The following TRDN variants were observed in gnomAD, a reference collection of about 807,000 sequenced individuals.
TRDN encodes the protein triadin in skeletal muscle.
TRDN carries 161 observed loss-of-function variants against 149.7 expected under a neutral mutation model. The ratio of observed to expected loss-of-function variants is 1.08; its 90% CI spans 0.95 to 1.23. The LOEUF (loss-of-function observed/expected upper bound fraction) is 1.23, where lower values mean the gene tolerates loss of function less well. TRDN is among the 50% of genes most tolerant of loss of function. The pLI, the probability that TRDN is intolerant of heterozygous loss-of-function variation, is 0.00. For missense variants in TRDN, 896 were observed against 823.5 expected, an observed-to-expected ratio of 1.09 and a Z score of -1.08; for synonymous variants, 294 against 250.5, an observed-to-expected ratio of 1.17 and a Z score of -1.64.
At chr6:123,455,337 A>G (rs1043165882) in intron 10 of TRDN, among the ~76,000 whole-genome samples, 1 of 151,858 alleles carries the variant, frequency 6.6e-6, no homozygotes, top group Non-Finnish European at 1.5e-5. Flanking sequence ...GGTTGTGTTT[A>G]TATAGCTGAG....
chr6:123,549,294 TA>T (rs200722781), intron 2 of TRDN, among the ~76,000 whole-genome samples: 1,699 of 152,086 alleles, frequency 0.011, 30 homozygotes, highest in African/African-American at 0.038. Context: ...GATTGAATCA[TA>T]AAAAAATGCA....
chr6:123,463,556 G>A (rs1776606652), intron 10 of TRDN, among the ~76,000 whole-genome samples: 1 of 151,742 alleles, frequency 6.6e-6, no homozygotes, highest in Non-Finnish European at 1.5e-5. Flanking sequence ...CTCAAGTTGG[G>A]AAATCTGAAT....
intron 9 of TRDN, among the ~76,000 whole-genome samples, chr6:123,496,334 C>T (rs577059093): frequency 3.2e-4 from 49 of 151,436 alleles, no homozygotes; most frequent in African/African-American, 9.4e-4. Context: ...AATGAGATGT[C>T]TCTTTGATGA....
intron 31 of TRDN, among the ~76,000 whole-genome samples, chr6:123,269,217 A>G (rs1777121114): frequency 6.6e-6 from 1 of 152,032 alleles, no homozygotes; most frequent in African/African-American, 2.4e-5. Flanking sequence ...TAAACTCTTC[A>G]TCACTATACT....
At chr6:123,241,731 T>C (rs1775997007) in intron 38 of TRDN, among the ~76,000 whole-genome samples, 9 of 152,076 alleles carry the variant, frequency 5.9e-5, no homozygotes, top group Admixed American at 5.9e-4. Flanking sequence ...TTTATTATTA[T>C]GGAGATGTCA....
intron 5 of TRDN, among the ~76,000 whole-genome samples, chr6:123,517,382 T>A (rs1053869719): frequency 9.2e-5 from 14 of 152,144 alleles, no homozygotes; most frequent in Admixed American, 7.9e-4. Flanking sequence ...GACTTCTCTT[T>A]TGAACCTTTA....
intron 2 of TRDN, among the ~76,000 whole-genome samples, chr6:123,556,299 A>G (rs1781649576): frequency 6.6e-6 from 1 of 152,202 alleles, no homozygotes; most frequent in Non-Finnish European, 1.5e-5. Context: ...TCAAAATTAT[A>G]TAAGTGATTT....
At chr6:123,625,157 A>C (rs943435668) in intron 1 of TRDN, among the ~76,000 whole-genome samples, 5 of 151,600 alleles carry the variant, frequency 3.3e-5, no homozygotes, top group African/African-American at 4.9e-5. Flanking sequence ...CAATAATGTC[A>C]TGTGCACTGC....
intron 12 of TRDN, among the ~76,000 whole-genome samples, chr6:123,394,160 A>G (rs1344212789): frequency 6.6e-6 from 1 of 152,144 alleles, no homozygotes; most frequent in Non-Finnish European, 1.5e-5. Context: ...CAGTGGCACC[A>G]ATCACTATTA....
At chr6:123,256,453 G>A (rs937927121) in intron 35 of TRDN, among the ~76,000 whole-genome samples, 9 of 152,058 alleles carry the variant, frequency 5.9e-5, no homozygotes, top group Non-Finnish European at 1.2e-4. Flanking sequence ...CACCAACATT[G>A]TAAAAGCATT....
intron 7 of TRDN, chr6:123,509,421 T>C (rs1233002442): frequency 6.6e-6 from 1 of 152,122 alleles, no homozygotes; most frequent in Non-Finnish European, 1.5e-5. Context: ...TTGTAATTTC[T>C]GTCTTCCTGT....
chr6:123,392,070 C>G (rs935413148), intron 13 of TRDN, among the ~76,000 whole-genome samples: 1 of 152,192 alleles, frequency 6.6e-6, no homozygotes, highest in African/African-American at 2.4e-5. Flanking sequence ...GAATACCTCA[C>G]TCTTGCCTTG....
rs953116640 is a variant in TRDN at position 123,260,595 on chromosome 6, A to T, written c.1831+17T>A. On this transcript the variant is annotated intron_variant, in intron 34 of 40. Coordinates refer to ENST00000334268, the MANE Select transcript of TRDN (RefSeq NM_006073.4). ...CCACAACTGTATCTTATCTCCTCTG[A>T]AAAAGTAAATATTTACCTGATTCTG... is the stretch of plus-strand genomic sequence containing the variant. The T allele has an allele frequency of 8.8e-6, 13 of 1,482,396 alleles. No individual in the cohort carries two copies. The highest frequency in any genetic ancestry group is 1.2e-5 in the Non-Finnish European group (13 of 1,115,532). The allele number at this position is 1,482,396 out of a possible 1,614,324, so 91.8% of individuals were successfully genotyped here.
rs143383912 is a variant in TRDN, at chr6:123,319,745, G to A, written c.1472-3250C>T. Among the ~76,000 whole-genome samples, 5 of 152,192 alleles carry A rather than the reference G, an allele frequency of 3.3e-5. No individual in the cohort carries two copies. The East Asian group carries it at 9.7e-4, about 29-fold the overall frequency. On this transcript the variant is annotated intron_variant, in intron 23 of 40. Coordinates refer to ENST00000334268, the MANE Select transcript of TRDN (RefSeq NM_006073.4). ...TTGGGCTACACGTACAAGCATTGGG[G>A]AAATATGGAACCAAAAAGTCCCCAT... is the stretch of plus-strand genomic sequence containing the variant.
intron 2 of TRDN, among the ~76,000 whole-genome samples, chr6:123,560,999 C>G (rs1253996781): frequency 6.6e-6 from 1 of 152,142 alleles, no homozygotes; most frequent in Non-Finnish European, 1.5e-5. Flanking sequence ...GGGATTTGCC[C>G]CTGCCCAGGA....
chr6:123,495,664 C>A (rs1778416701), intron 9 of TRDN, among the ~76,000 whole-genome samples: 1 of 152,146 alleles, frequency 6.6e-6, no homozygotes. Context: ...CCACACCCAG[C>A]CCTAACATTG....
chr6:123,626,472 GA>G (rs893929950), intron 1 of TRDN, among the ~76,000 whole-genome samples: 8 of 149,942 alleles, frequency 5.3e-5, no homozygotes, highest in East Asian at 3.9e-4. Flanking sequence ...TGGCTCAAAA[GA>G]AAAAAAAACA....
intron 23 of TRDN, among the ~76,000 whole-genome samples, chr6:123,318,259 C>A (rs530204295): frequency 4.0e-5 from 6 of 151,880 alleles, no homozygotes; most frequent in Non-Finnish European, 8.8e-5. Context: ...AACTTTCAAG[C>A]AAATTAGCAC....
At chr6:123,406,895 C>A (rs1218973676) in intron 12 of TRDN, among the ~76,000 whole-genome samples, 1 of 152,068 alleles carries the variant, frequency 6.6e-6, no homozygotes, top group African/African-American at 2.4e-5. Flanking sequence ...TTGCTCCAAG[C>A]CTGGTGGGTT....
Sources: allele counts gnomAD v4.1 joint callset (sites outside exome capture counted in the v4.1 genomes callset), GRCh38; gene constraint gnomAD v4.1.1; transcripts MANE v1.5; gene names NCBI Gene and HGNC (gene_info 2026-07-23, HGNC 2026-07-21).